MAN2B1: variants seen among roughly 807,000 people sequenced by gnomAD.
MAN2B1 encodes mannosidase alpha class 2B member 1, also known as lysosomal alpha-mannosidase.
MAN2B1 carries 99 observed loss-of-function variants against 127.5 expected under a neutral mutation model. The ratio of observed to expected loss-of-function variants is 0.78; its 90% CI spans 0.66 to 0.92. The LOEUF (loss-of-function observed/expected upper bound fraction) is 0.92. Ranked by LOEUF, MAN2B1 falls within the 40% of genes least tolerant of loss-of-function variation. The probability of loss-of-function intolerance (pLI) is 0.00; values close to 1 mark genes in which losing one functional copy is unlikely to be tolerated. For synonymous variants in MAN2B1, 573 were observed against 568.8 expected (o/e 1.01, Z -0.11); for missense variants, 1,304 against 1,384.8 (o/e 0.94, Z 0.93).
In MAN2B1 at chr19:12,666,738, G is replaced by T; in HGVS notation, c.-37C>A. On this transcript the variant is annotated 5_prime_UTR_variant, in exon 1 of 24. Transcript: ENST00000456935. ...TTCCTCCTGGGGTTCCCCGGCCCTGGAAAGGCCGGGCAAACGCCCCGCCCC... is the reference window on the plus strand; with the variant it reads ...TTCCTCCTGGGGTTCCCCGGCCCTGTAAAGGCCGGGCAAACGCCCCGCCCC... The T allele has an allele frequency of 1.3e-6, 2 of 1,541,062 alleles. No individual in the cohort carries two copies. Among genetic ancestry groups the T allele is most frequent in the Non-Finnish European group, 1.7e-6 (2 of 1,144,206 alleles).
chr19:12,650,424 T>C (rs1217435090), intron 16 of MAN2B1, among the ~76,000 whole-genome samples: 4 of 150,252 alleles, frequency 2.7e-5, no homozygotes, highest in Non-Finnish European at 5.9e-5. Flanking sequence ...AGTGGCGCGA[T>C]CTCGGCTCAC....
rs2023862243 is a variant in MAN2B1, at chr19:12,652,478, C to T, written c.1831-18G>A. On this transcript the variant is annotated intron_variant, in intron 14 of 23. Transcript: ENST00000456935. ...CGGATGTGCTGGGCAGAAAAGGGTC[C>T]ACAGATGGGTTTGTGTGTGTATGTG... 1 of 1,577,202 alleles carries T rather than the reference C, an allele frequency of 6.3e-7. No individual in the cohort carries two copies. Among genetic ancestry groups the T allele is most frequent in the Non-Finnish European group, 8.7e-7 (1 of 1,146,624 alleles).
chr19:12,665,276 A>G, intron 3 of MAN2B1, 76 bp downstream of exon 3: 9 of 1,560,016 alleles, frequency 5.8e-6, no homozygotes, highest in Non-Finnish European at 7.9e-6. Flanking sequence ...GTGGCATGAC[A>G]AATCTCAGAA....
chr19:12,648,209 G>T lies in MAN2B1; in HGVS notation c.2630C>A (p.Ala877Asp). ...PQVVLAPGGG[A>D]AYNLGAPPRT... The stretch of plus-strand genomic sequence containing the variant: ...CGGAGGAGCCCCGAGATTGTAGGCG[G>T]CGCCGCCACCCGGGGCCAGCACCAC... The change falls in exon 21 of 24, where the codon GCC (alanine) becomes GAC (aspartate). Residue 877 changes from alanine (A) to aspartate (D), a missense_variant. Transcript: ENST00000456935. 1 of 1,558,292 alleles carries T rather than the reference G, an allele frequency of 6.4e-7. No individual in the cohort carries two copies. Among genetic ancestry groups the T allele is most frequent in the Non-Finnish European group, 8.6e-7 (1 of 1,158,220 alleles).
In MAN2B1 at chr19:12,655,693, C is replaced by G. The variant is rs80338677; in HGVS notation, c.1830+1G>C. The G allele has an allele frequency of 1.7e-4, 269 of 1,608,824 alleles. No homozygotes were observed. The highest frequency in any genetic ancestry group is 2.0e-4 in the Non-Finnish European group (237 of 1,176,682). ...GAAAGGGGATTGAAATGGGGTCTCA[C>G]CTCATTTTCGATGGTTAAAGCAGGG... On this transcript the variant is annotated splice_donor_variant, in intron 14 of 23. Transcript: ENST00000456935. LOFTEE classifies it high-confidence loss of function.
intron 13 of MAN2B1, chr19:12,656,229 C>G: frequency 2.3e-6 from 1 of 426,840 alleles, no homozygotes; most frequent in East Asian, 4.5e-5. Flanking sequence ...CCTGGGGAAG[C>G]GGGGTATTAA....
chr19:12,649,891 A>C (rs757769028), intron 18 of MAN2B1, 22 bp downstream of exon 18: 16 of 1,407,820 alleles, frequency 1.1e-5, no homozygotes, highest in African/African-American at 8.3e-5. Flanking sequence ...CCACCCCCTC[A>C]GTGCTCTCAG....
chr19:12,665,601 C>T (rs2024214665), intron 2 of MAN2B1, 76 bp from the exon 3 acceptor site: 2 of 1,597,710 alleles, frequency 1.3e-6, no homozygotes, highest in African/African-American at 2.7e-5. Flanking sequence ...GAGCCCAAAC[C>T]CTGGATATTA....
chr19:12,655,672 G>A (rs1212225618), intron 14 of MAN2B1, 22 bp downstream of exon 14: 2 of 1,602,892 alleles, frequency 1.2e-6, no homozygotes, highest in Non-Finnish European at 1.7e-6. Flanking sequence ...GAGCAGGAAA[G>A]GGGATTGAAA....
At chr19:12,658,872 T>C (rs573648953) in intron 7 of MAN2B1, 3 of 346,152 alleles carry the variant, frequency 8.7e-6, no homozygotes, top group African/African-American at 4.3e-5. Flanking sequence ...ACTTTTTTTT[T>C]TTGGGACGGA....
At chr19:12,646,831 C>G (rs2023699863) in intron 23 of MAN2B1, 99 bp from the exon 24 acceptor site, 1 of 843,920 alleles carries the variant, frequency 1.2e-6, no homozygotes, top group South Asian at 1.5e-5. Context: ...AGCTGCATAT[C>G]CCCGAATCTG....
At position 12,663,377 on chromosome 19, in the gene MAN2B1, G is replaced by A. The variant is rs1268050494; in HGVS notation, c.849C>T (p.Arg283=). The stretch of plus-strand genomic sequence containing the variant: ...GCTCCTTGGCGTTGTACTCGGGGCT[G>A]CGAGGGTCCTCCACCAGCGGCTGAT... ...CVDQPLVEDP[R]SPEYNAKELV... is the part of the protein sequence containing the mutation. Residue 283 remains arginine (R), a synonymous_variant, in exon 6 of 24, where the codon CGC becomes CGT. Transcript: ENST00000456935. The A allele has an allele frequency of 1.2e-6, 2 of 1,614,074 alleles. No homozygotes were observed. The highest frequency in any genetic ancestry group is 1.7e-6 in the Non-Finnish European group (2 of 1,179,964).
At chr19:12,656,534 G>A (rs1300285454) in intron 13 of MAN2B1, 37 bp downstream of exon 13, 1 of 1,438,134 alleles carries the variant, frequency 7.0e-7, no homozygotes, top group Admixed American at 1.7e-5. Flanking sequence ...ACTGGGGGAG[G>A]AGTCCCAGCG....
chr19:12,649,855 A>AGGG, intron 18 of MAN2B1, 58 bp downstream of exon 18: 2 of 1,126,232 alleles, frequency 1.8e-6, no homozygotes, highest in Non-Finnish European at 2.6e-6. Context: ...TTCCCTCACC[A>AGGG]CCCCTGGGCC....
chr19:12,648,144 G>C (rs1396603479), intron 21 of MAN2B1, 31 bp downstream of exon 21: 1 of 1,518,266 alleles, frequency 6.6e-7, no homozygotes, highest in South Asian at 1.2e-5. Context: ...ACTTCAATCC[G>C]GTCCTCTCTG....
In MAN2B1 at chr19:12,652,489, TTG is replaced by T. The variant is rs758649196; in HGVS notation, c.1831-31_1831-30del. ...GGCAGAAAAGGGTCCACAGATGGGT[TTG>T]TGTGTGTATGTGTGTGTGTTTTCTT... On this transcript the variant is annotated intron_variant, in intron 14 of 23. Coordinates refer to ENST00000456935, the MANE Select transcript of MAN2B1 (RefSeq NM_000528.4). 8.0e-6 allele frequency: 12 copies of T among 1,503,742 alleles called. No individual in the cohort carries two copies. In the African/African-American group the frequency reaches 1.5e-4, roughly 19 times the overall value. 93.1% of individuals were successfully genotyped at this position (1,503,742 alleles called of 1,614,324 possible).
intron 16 of MAN2B1, among the ~76,000 whole-genome samples, 191 bp downstream of exon 16, chr19:12,651,962 G>A (rs1341382520): frequency 3.9e-5 from 6 of 152,150 alleles, no homozygotes; most frequent in African/African-American, 4.8e-5. Flanking sequence ...ACTCTCATAC[G>A]ACCAGCTATG....
At chr19:12,662,949 A>AT (rs2024142273) in intron 6 of MAN2B1, among the ~76,000 whole-genome samples, 1 of 145,286 alleles carries the variant, frequency 6.9e-6, no homozygotes, top group African/African-American at 2.6e-5. Context: ...AAAAAAAAAA[A>AT]ATAATAATAA....
chr19:12,650,621 G>C (rs1599342931), intron 16 of MAN2B1, among the ~76,000 whole-genome samples: 1 of 151,402 alleles, frequency 6.6e-6, no homozygotes, highest in East Asian at 1.9e-4. Flanking sequence ...GCCTCCCAAA[G>C]TGCTGGGATT....
Sources: gnomAD v4.1 joint callset for allele counts (sites outside exome capture counted in the v4.1 genomes callset) on GRCh38, gnomAD v4.1.1 for gene constraint, MANE v1.5 for transcripts, NCBI Gene and HGNC (gene_info 2026-07-23, HGNC 2026-07-21) for gene names.